CADM2: variants seen among roughly 807,000 people sequenced by gnomAD.
CADM2 encodes cell adhesion molecule 2, also known as immunoglobulin superfamily member 4D.
A neutral mutation model predicts 49.8 loss-of-function variants in CADM2; 12 were observed. The ratio of observed to expected loss-of-function variants is 0.24; its 90% CI spans 0.15 to 0.39. The LOEUF is 0.39. Among genes scored for constraint, CADM2 ranks in the 10% least tolerant of loss-of-function variants. The pLI, the probability that CADM2 is intolerant of heterozygous loss-of-function variation, is 1.00. For synonymous variants in CADM2, 214 were observed against 175.4 expected (o/e 1.22, Z -1.74); for missense variants, 378 against 492.3 (o/e 0.77, Z 2.20).
At chr3:85,737,360 C>T (rs2068181917) in intron 2 of CADM2, among the ~76,000 whole-genome samples, 1 of 152,026 alleles carries the variant, frequency 6.6e-6, no homozygotes. Flanking sequence ...AATGACATGC[C>T]AAACAAAGCT....
At chr3:85,818,295 C>T (rs2073342067) in intron 3 of CADM2, among the ~76,000 whole-genome samples, 1 of 152,122 alleles carries the variant, frequency 6.6e-6, no homozygotes, top group Admixed American at 6.6e-5. Context: ...TGTTACTTTT[C>T]ATGTTGAGTG....
At chr3:85,904,988 CT>C (rs567807712) in intron 5 of CADM2, among the ~76,000 whole-genome samples, 3 of 152,014 alleles carry the variant, frequency 2.0e-5, no homozygotes, top group African/African-American at 7.2e-5. Context: ...GTTATTCCCC[CT>C]TTTTTTGTAA....
At chr3:85,452,723 G>T (rs908771108) in intron 1 of CADM2, among the ~76,000 whole-genome samples, 3 of 152,148 alleles carry the variant, frequency 2.0e-5, no homozygotes, top group African/African-American at 7.2e-5. Context: ...GTCAAGGGCA[G>T]TTCCGATTTT....
At chr3:85,094,382 A>G (rs954143063) in intron 1 of CADM2, among the ~76,000 whole-genome samples, 1 of 152,122 alleles carries the variant, frequency 6.6e-6, no homozygotes, top group Non-Finnish European at 1.5e-5. Flanking sequence ...TCTGCTGACC[A>G]ACCATTTTAT....
At chr3:85,834,378 G>A (rs892529628) in intron 3 of CADM2, among the ~76,000 whole-genome samples, 7 of 151,416 alleles carry the variant, frequency 4.6e-5, no homozygotes, top group African/African-American at 1.7e-4. Flanking sequence ...TAACTACATG[G>A]CCTTAAGAAA....
At chr3:85,123,763 C>A (rs1358147662) in intron 1 of CADM2, among the ~76,000 whole-genome samples, 1 of 152,032 alleles carries the variant, frequency 6.6e-6, no homozygotes, top group African/African-American at 2.4e-5. Context: ...TATCTTATCC[C>A]ACAGATATTC....
intron 1 of CADM2, among the ~76,000 whole-genome samples, chr3:85,458,796 A>C (rs1420817556): frequency 6.6e-6 from 1 of 152,180 alleles, no homozygotes; most frequent in Non-Finnish European, 1.5e-5. Context: ...AAAAAAATCA[A>C]AGAAACTTTC....
intron 7 of CADM2, among the ~76,000 whole-genome samples, chr3:85,955,511 C>T (rs922305998): frequency 2.6e-5 from 4 of 151,412 alleles, no homozygotes; most frequent in Non-Finnish European, 5.9e-5. Flanking sequence ...ACGATTAAGG[C>T]AAAGAAAGTT....
intron 1 of CADM2, among the ~76,000 whole-genome samples, chr3:85,280,595 C>T (rs538600499): frequency 4.0e-5 from 6 of 151,600 alleles, no homozygotes; most frequent in Non-Finnish European, 7.4e-5. Context: ...GTCTTTTCTG[C>T]GTTTTGGGAA....
intron 1 of CADM2, among the ~76,000 whole-genome samples, chr3:85,635,361 A>G (rs1342340819): frequency 6.6e-6 from 1 of 152,122 alleles, no homozygotes; most frequent in Non-Finnish European, 1.5e-5. Context: ...ATTATTTCTA[A>G]GTGGGTAAAA....
chr3:85,227,322 T>C (rs1195065485), intron 1 of CADM2, among the ~76,000 whole-genome samples: 1 of 152,122 alleles, frequency 6.6e-6, no homozygotes, highest in Non-Finnish European at 1.5e-5. Flanking sequence ...ATAGGGTGCA[T>C]ATATATTTGA....
chr3:85,078,072 T>C (rs1342548850), intron 1 of CADM2, among the ~76,000 whole-genome samples: 1 of 152,050 alleles, frequency 6.6e-6, no homozygotes, highest in Non-Finnish European at 1.5e-5. Context: ...ACGTGGAATG[T>C]ATATGGAAAT....
At chr3:85,186,309 T>G (rs1444071464) in intron 1 of CADM2, among the ~76,000 whole-genome samples, 1 of 152,072 alleles carries the variant, frequency 6.6e-6, no homozygotes, top group African/African-American at 2.4e-5. Flanking sequence ...GAAATGGTGC[T>G]CTTGGTCAAA....
At chr3:85,383,568 C>T (rs1376625840) in intron 1 of CADM2, among the ~76,000 whole-genome samples, 1 of 143,394 alleles carries the variant, frequency 7.0e-6, no homozygotes, top group Non-Finnish European at 1.5e-5. Flanking sequence ...ACATTTACCA[C>T]CATCCAGTTA....
chr3:85,195,398 G>C (rs2041317795), intron 1 of CADM2, among the ~76,000 whole-genome samples: 1 of 151,974 alleles, frequency 6.6e-6, no homozygotes, highest in Admixed American at 6.6e-5. Context: ...AGGCTCTCTT[G>C]AGTCCCATCA....
At chr3:85,109,351 C>T (rs1440331544) in intron 1 of CADM2, among the ~76,000 whole-genome samples, 1 of 150,896 alleles carries the variant, frequency 6.6e-6, no homozygotes, top group Non-Finnish European at 1.5e-5. Context: ...TAAACATAAA[C>T]ATAGAGAAAG....
chr3:85,257,882 A>G (rs575691975), intron 1 of CADM2, among the ~76,000 whole-genome samples: 1 of 152,258 alleles, frequency 6.6e-6, no homozygotes, highest in East Asian at 1.9e-4. Context: ...CAGACCGCTG[A>G]TACTTTAGAA....
In CADM2 at chr3:85,089,180, A is replaced by G. The variant is rs553695483; in HGVS notation, c.61+129512A>G. 1.1e-4 allele frequency among the ~76,000 whole-genome samples: 17 copies of G among 152,222 alleles called. No individual in the cohort carries two copies. The East Asian group carries it at 3.3e-3, about 29-fold the overall frequency. On this transcript the variant is annotated intron_variant, in intron 1 of 9. Coordinates refer to ENST00000383699, the MANE Select transcript of CADM2 (RefSeq NM_001167675.2). ...TATTAATCTTGTGGTGGTTTTCTAT[A>G]TTTTGAAGAAATCTGACAATGCAGA...
intron 1 of CADM2, among the ~76,000 whole-genome samples, chr3:85,197,421 CTCTG>C (rs2041369960): frequency 2.0e-5 from 3 of 151,922 alleles, no homozygotes; most frequent in Non-Finnish European, 2.9e-5. Context: ...CTTTGTGCCA[CTCTG>C]TCTAATACTA....
Sources: gnomAD v4.1 joint callset for allele counts (sites outside exome capture counted in the v4.1 genomes callset) on GRCh38, gnomAD v4.1.1 for gene constraint, MANE v1.5 for transcripts, NCBI Gene and HGNC (gene_info 2026-07-23, HGNC 2026-07-21) for gene names.